The following NRXN3 variants were observed in gnomAD, a reference collection of about 807,000 sequenced individuals.
NRXN3 encodes the protein neurexin 3.
In NRXN3, 32 loss-of-function variants were observed where a neutral mutation model predicts 137.6. The observed-to-expected ratio is 0.23, with a 90% CI of 0.18 to 0.31. NRXN3 has a LOEUF of 0.31. NRXN3 is among the 10% of genes least tolerant of loss of function. The pLI is 1.00. For missense variants in NRXN3, 1,574 were observed against 2,062.5 expected, an observed-to-expected ratio of 0.76 and a Z score of 4.59; for synonymous variants, 798 against 784.5, an observed-to-expected ratio of 1.02 and a Z score of -0.29.
chr14:78,466,601 A>T (rs1238824962), intron 4 of NRXN3, among the ~76,000 whole-genome samples: 1 of 152,214 alleles, frequency 6.6e-6, no homozygotes, highest in Non-Finnish European at 1.5e-5. Flanking sequence ...AATTTAATTG[A>T]AAGGCCATAG....
intron 15 of NRXN3, among the ~76,000 whole-genome samples, chr14:79,191,733 A>C (rs2153180732): frequency 6.6e-6 from 1 of 152,298 alleles, no homozygotes; most frequent in South Asian, 2.1e-4. Context: ...CTTGAAGTTA[A>C]GTTTGCCTAA....
At chr14:79,596,249 C>A (rs1041512190) in intron 16 of NRXN3, among the ~76,000 whole-genome samples, 36 of 151,968 alleles carry the variant, frequency 2.4e-4, no homozygotes, top group African/African-American at 7.3e-4. Flanking sequence ...CTGGCTTAGT[C>A]GGAAAGATGT....
intron 15 of NRXN3, among the ~76,000 whole-genome samples, chr14:79,135,607 C>G (rs927651852): frequency 6.6e-6 from 1 of 152,154 alleles, no homozygotes; most frequent in Non-Finnish European, 1.5e-5. Context: ...ATCTCTCTCC[C>G]CCTTACAAAA....
chr14:79,627,679 G>A lies in NRXN3; in HGVS notation c.3445-36099G>A, dbSNP rs948153756. Among the ~76,000 whole-genome samples, 13 of 152,182 alleles carry A rather than the reference G, an allele frequency of 8.5e-5. No homozygotes were observed. In the South Asian group the frequency reaches 2.7e-3, roughly 32 times the overall value. On this transcript the variant is annotated intron_variant, in intron 16 of 20. Transcript: ENST00000335750. ...CACATCCAGATTTTACCACTTACTG[G>A]CTGTGTGACACTGGGTATGGTTATT...
chr14:79,397,676 C>T (rs2095066120), intron 15 of NRXN3, among the ~76,000 whole-genome samples: 1 of 152,136 alleles, frequency 6.6e-6, no homozygotes, highest in Non-Finnish European at 1.5e-5. Flanking sequence ...ACCCAAGAAT[C>T]CATAAATTTG....
intron 10 of NRXN3, among the ~76,000 whole-genome samples, chr14:78,813,729 G>A (rs2098922352): frequency 6.6e-6 from 1 of 151,960 alleles, no homozygotes; most frequent in South Asian, 2.1e-4. Context: ...AAGGCATTCT[G>A]TGACACTCTT....
At chr14:78,967,888 A>G (rs1246932995) in intron 13 of NRXN3, among the ~76,000 whole-genome samples, 1 of 152,178 alleles carries the variant, frequency 6.6e-6, no homozygotes, top group East Asian at 1.9e-4. Context: ...CATAAAAAGC[A>G]CTCAATAAAT....
intron 6 of NRXN3, among the ~76,000 whole-genome samples, chr14:78,682,056 T>C (rs1222469745): frequency 1.3e-5 from 2 of 151,928 alleles, no homozygotes; most frequent in Admixed American, 1.3e-4. Context: ...TTAGTAGAGA[T>C]GCGGTTTCAC....
chr14:79,539,583 G>A (rs949605214), intron 16 of NRXN3, among the ~76,000 whole-genome samples: 1 of 152,072 alleles, frequency 6.6e-6, no homozygotes, highest in Non-Finnish European at 1.5e-5. Context: ...GTTGAGCCTT[G>A]CTATTTGAGT....
intron 10 of NRXN3, among the ~76,000 whole-genome samples, chr14:78,840,153 G>C (rs2099008128): frequency 6.6e-6 from 1 of 152,178 alleles, no homozygotes; most frequent in Non-Finnish European, 1.5e-5. Flanking sequence ...TGAGAATTAA[G>C]TAGGAATGGA....
At chr14:79,631,504 A>G (rs1033611853) in intron 16 of NRXN3, among the ~76,000 whole-genome samples, 1 of 152,162 alleles carries the variant, frequency 6.6e-6, no homozygotes, top group African/African-American at 2.4e-5. Flanking sequence ...CTGGCAGGCA[A>G]GGGTTCGGGC....
chr14:78,954,315 A>G (rs1485387748), intron 10 of NRXN3, among the ~76,000 whole-genome samples: 5 of 152,146 alleles, frequency 3.3e-5, no homozygotes. Flanking sequence ...GGACTTATTT[A>G]TTTATTGTTT....
At chr14:78,887,868 A>C (rs2099147982) in intron 10 of NRXN3, among the ~76,000 whole-genome samples, 1 of 151,988 alleles carries the variant, frequency 6.6e-6, no homozygotes. Context: ...ACAGCATCTC[A>C]CTGGGGTGGC....
intron 4 of NRXN3, among the ~76,000 whole-genome samples, chr14:78,588,419 TG>T: frequency 6.6e-6 from 1 of 152,356 alleles, no homozygotes; most frequent in Middle Eastern, 3.4e-3. Context: ...AATAACTAAA[TG>T]GGACATGTCT....
At chr14:79,743,037 C>T (rs566721455) in intron 19 of NRXN3, among the ~76,000 whole-genome samples, 1 of 152,256 alleles carries the variant, frequency 6.6e-6, no homozygotes, top group South Asian at 2.1e-4. Context: ...TCAGGGTAGG[C>T]AGGCAGTTGG....
intron 19 of NRXN3, chr14:79,791,201 G>A (rs2099144099): frequency 6.6e-6 from 1 of 152,116 alleles, no homozygotes; most frequent in Non-Finnish European, 1.5e-5. Flanking sequence ...TTGCTAGAAT[G>A]TCACCTGGTG....
chr14:79,214,641 T>G (rs1336970069), intron 15 of NRXN3, among the ~76,000 whole-genome samples: 1 of 152,188 alleles, frequency 6.6e-6, no homozygotes, highest in Non-Finnish European at 1.5e-5. Flanking sequence ...CTTGTCTTTT[T>G]GCTAAATCTG....
chr14:78,560,014 C>T (rs1430628305), intron 4 of NRXN3, among the ~76,000 whole-genome samples: 1 of 152,146 alleles, frequency 6.6e-6, no homozygotes, highest in Non-Finnish European at 1.5e-5. Flanking sequence ...TGCAAGACTC[C>T]AGTAAGTGTT....
At chr14:79,679,029 A>G (rs906044445) in intron 17 of NRXN3, among the ~76,000 whole-genome samples, 1 of 151,940 alleles carries the variant, frequency 6.6e-6, no homozygotes, top group Non-Finnish European at 1.5e-5. Context: ...AAGATAATAT[A>G]TCTGATTTCT....
Sources: gnomAD v4.1 joint callset for allele counts (sites outside exome capture counted in the v4.1 genomes callset) on GRCh38, gnomAD v4.1.1 for gene constraint, MANE v1.5 for transcripts, NCBI Gene and HGNC (gene_info 2026-07-23, HGNC 2026-07-21) for gene names.